SLC35F3: variants seen among roughly 807,000 people sequenced by gnomAD.
SLC35F3 encodes the protein putative thiamine transporter SLC35F3.
In SLC35F3, 25 loss-of-function variants were observed where a neutral mutation model predicts 49.9. That is an observed-to-expected ratio of 0.50 (90% CI 0.37 to 0.70). The LOEUF (loss-of-function observed/expected upper bound fraction) is 0.70. Among genes scored for constraint, SLC35F3 ranks in the 30% least tolerant of loss-of-function variants. SLC35F3 has a pLI of 0.00. For missense variants in SLC35F3, 525 were observed against 639.8 expected (o/e 0.82, Z 1.94); for synonymous variants, 275 against 265.4 (o/e 1.04, Z -0.35).
chr1:234,165,540 C>A (rs544960196), intron 2 of SLC35F3, among the ~76,000 whole-genome samples: 1 of 152,044 alleles, frequency 6.6e-6, no homozygotes, highest in Non-Finnish European at 1.5e-5. Flanking sequence ...CTTAGAACCT[C>A]TTTACATTAT....
rs1027809893 is a variant in SLC35F3 at position 234,137,756 on chromosome 1, C to T, written c.284-93661C>T. On this transcript the variant is annotated intron_variant, in intron 2 of 7. Transcript: ENST00000366618. ...TCAAAGAAAGCAGGAGCACATGTCG[C>T]AGCAAGTAGCTGCAAATTAGCAGGA... Among the ~76,000 whole-genome samples, 4 of 152,280 alleles carry T rather than the reference C, an allele frequency of 2.6e-5. No individual in the cohort carries two copies. The East Asian group carries it at 7.7e-4, about 29-fold the overall frequency.
At chr1:234,066,038 G>A (rs1173198514) in intron 2 of SLC35F3, among the ~76,000 whole-genome samples, 1 of 152,182 alleles carries the variant, frequency 6.6e-6, no homozygotes, top group African/African-American at 2.4e-5. Flanking sequence ...CTGGTGGCAC[G>A]ATTCTGCTCT....
intron 2 of SLC35F3, among the ~76,000 whole-genome samples, chr1:234,115,692 T>G (rs2102890012): frequency 6.6e-6 from 1 of 152,360 alleles, no homozygotes; most frequent in East Asian, 1.9e-4. Flanking sequence ...TATTCTGTCT[T>G]CTGAACCATT....
chr1:233,937,383 C>T (rs532402449), intron 2 of SLC35F3, among the ~76,000 whole-genome samples: 11 of 152,264 alleles, frequency 7.2e-5, no homozygotes, highest in African/African-American at 2.6e-4. Flanking sequence ...TGTGATACAC[C>T]TTTTGTTTTA....
rs188742959 is a variant in SLC35F3 at position 234,222,450 on chromosome 1, G to C, written c.284-8967G>C. ...CTGGAGTTATGTTTGAGAAAACGGT[G>C]TTTTAATTTTGCTCTGTTCTGCTCA... On this transcript the variant is annotated intron_variant, in intron 2 of 7. Coordinates refer to ENST00000366618, the MANE Select transcript of SLC35F3 (RefSeq NM_173508.4). 1.2e-3 allele frequency among the ~76,000 whole-genome samples: 181 copies of C among 152,272 alleles called. 2 individuals carry two copies. The highest frequency in any genetic ancestry group is 3.5e-3 in the Admixed American group (54 of 15,298).
intron 3 of SLC35F3, among the ~76,000 whole-genome samples, chr1:234,234,509 G>T (rs1473278004): frequency 1.3e-5 from 2 of 152,124 alleles, no homozygotes; most frequent in Non-Finnish European, 2.9e-5. Flanking sequence ...CGCTTTTCTA[G>T]GGAACTTCCA....
chr1:234,193,460 A>G (rs1666760204), intron 2 of SLC35F3, among the ~76,000 whole-genome samples: 1 of 152,216 alleles, frequency 6.6e-6, no homozygotes, highest in Admixed American at 6.5e-5. Flanking sequence ...GGATCAAGGA[A>G]CTAAATCAAA....
At chr1:234,202,026 T>A (rs1449466215) in intron 2 of SLC35F3, among the ~76,000 whole-genome samples, 1 of 151,286 alleles carries the variant, frequency 6.6e-6, no homozygotes, top group Middle Eastern at 3.4e-3. Context: ...ATATAGTACA[T>A]ATACACCATG....
At chr1:234,157,188 C>A (rs991952857) in intron 2 of SLC35F3, among the ~76,000 whole-genome samples, 1 of 152,134 alleles carries the variant, frequency 6.6e-6, no homozygotes, top group Non-Finnish European at 1.5e-5. Context: ...GGGGAAAAAT[C>A]TGTATGTTTT....
intron 3 of SLC35F3, among the ~76,000 whole-genome samples, chr1:234,288,564 G>GACGT (rs1668458928): frequency 6.6e-6 from 1 of 152,190 alleles, no homozygotes; most frequent in African/African-American, 2.4e-5. Flanking sequence ...CCCATAAACT[G>GACGT]ACGTCTGTCC....
At chr1:234,300,970 C>T (rs558522118) in intron 3 of SLC35F3, among the ~76,000 whole-genome samples, 58 of 152,098 alleles carry the variant, frequency 3.8e-4, no homozygotes, top group Non-Finnish European at 6.2e-4. Context: ...GATGTGAAGA[C>T]GAAAAAGGAG....
intron 2 of SLC35F3, among the ~76,000 whole-genome samples, chr1:233,993,652 G>A (rs991409056): frequency 2.0e-5 from 3 of 152,116 alleles, no homozygotes; most frequent in Admixed American, 6.5e-5. Flanking sequence ...AAGATCACAC[G>A]GATCTTAGGG....
At chr1:234,075,354 G>A (rs988937583) in intron 2 of SLC35F3, among the ~76,000 whole-genome samples, 2 of 152,212 alleles carry the variant, frequency 1.3e-5, no homozygotes, top group African/African-American at 2.4e-5. Context: ...GAGAGCCAAC[G>A]GAAGTGGTCT....
At chr1:234,205,675 TGAG>T (rs1166033530) in intron 2 of SLC35F3, among the ~76,000 whole-genome samples, 1 of 152,160 alleles carries the variant, frequency 6.6e-6, no homozygotes, top group Non-Finnish European at 1.5e-5. Flanking sequence ...CCCAGTGCTA[TGAG>T]GAGTTGTTCT....
rs1665426853 is a variant in SLC35F3, at chr1:234,112,705, G to A, written c.284-118712G>A. Among the ~76,000 whole-genome samples, 5 of 115,498 alleles carry A rather than the reference G, an allele frequency of 4.3e-5. No individual in the cohort carries two copies. The South Asian group carries it at 1.6e-3, about 37-fold the overall frequency. 75.8% of individuals were successfully genotyped at this position (115,498 alleles called of 152,430 possible). The stretch of plus-strand genomic sequence containing the variant: ...AGAGTAGCTGGGACTACAGGCGTCC[G>A]CCACCATGCCCAGCTAATTTTTTTT... On this transcript the variant is annotated intron_variant, in intron 2 of 7. Coordinates refer to ENST00000366618, the MANE Select transcript of SLC35F3 (RefSeq NM_173508.4).
chr1:233,973,707 A>T (rs1362743380), intron 2 of SLC35F3, among the ~76,000 whole-genome samples: 1 of 152,212 alleles, frequency 6.6e-6, no homozygotes, highest in Non-Finnish European at 1.5e-5. Flanking sequence ...ACTTCCACTG[A>T]GGTGTGGAAA....
intron 2 of SLC35F3, among the ~76,000 whole-genome samples, chr1:234,131,038 T>C (rs12117239): frequency 0.39 from 58,530 of 151,832 alleles, 13,241 homozygotes; most frequent in Non-Finnish European, 0.52. Flanking sequence ...CAAAAACATA[T>C]TGTACAATTT....
chr1:234,286,972 T>G (rs1379021787), intron 3 of SLC35F3, among the ~76,000 whole-genome samples: 1 of 152,176 alleles, frequency 6.6e-6, no homozygotes, highest in African/African-American at 2.4e-5. Flanking sequence ...GAGTTTGAGA[T>G]CAGCTTGGGC....
intron 2 of SLC35F3, among the ~76,000 whole-genome samples, chr1:234,155,474 A>G (rs1355216688): frequency 1.3e-5 from 2 of 151,926 alleles, no homozygotes; most frequent in East Asian, 1.9e-4. Flanking sequence ...CAGTGGCACA[A>G]TCTTGGCTCA....
Sources: gnomAD v4.1 joint callset for allele counts (sites outside exome capture counted in the v4.1 genomes callset) on GRCh38, gnomAD v4.1.1 for gene constraint, MANE v1.5 for transcripts, NCBI Gene and HGNC (gene_info 2026-07-23, HGNC 2026-07-21) for gene names.